The following LTBP2 variants were observed in gnomAD, a reference collection of about 807,000 sequenced individuals.
The protein encoded by LTBP2 is latent transforming growth factor beta binding protein 2.
In LTBP2, 103 loss-of-function variants were observed where a neutral mutation model predicts 210.6. The observed-to-expected ratio is 0.49, with a 90% confidence interval of 0.42 to 0.58. LTBP2 has a LOEUF of 0.58. Ranked by LOEUF, LTBP2 falls within the 20% of genes least tolerant of loss-of-function variation. LTBP2 has a pLI of 0.00. For missense variants in LTBP2, 2,313 were observed against 2,494.5 expected (o/e 0.93, Z 1.55); for synonymous variants, 1,007 against 1,015.0 (o/e 0.99, Z 0.15).
chr14:74,526,700 C>T (rs771161531), intron 13 of LTBP2, among the ~76,000 whole-genome samples: 6 of 152,130 alleles, frequency 3.9e-5, no homozygotes, highest in East Asian at 3.8e-4. Flanking sequence ...ACAAGGCACC[C>T]GGAAGAAACT....
chr14:74,566,317 C>A (rs118124703), intron 3 of LTBP2, among the ~76,000 whole-genome samples: 39 of 152,324 alleles, frequency 2.6e-4, no homozygotes, highest in Non-Finnish European at 4.6e-4. Context: ...CTGAAGGCAT[C>A]TGGAAGGGAG....
At chr14:74,585,260 G>A (rs756667672) in intron 3 of LTBP2, among the ~76,000 whole-genome samples, 9 of 152,136 alleles carry the variant, frequency 5.9e-5, no homozygotes, top group South Asian at 4.1e-4. Context: ...GCTGGGTGCC[G>A]AGGAAACCGA....
At chr14:74,522,416 T>G (rs699370) in intron 16 of LTBP2, among the ~76,000 whole-genome samples, 3,967 of 152,090 alleles carry the variant, frequency 0.026, 68 homozygotes, top group Admixed American at 0.042. Context: ...GACCTCCCCC[T>G]ACGGATGACC....
intron 8 of LTBP2, among the ~76,000 whole-genome samples, chr14:74,540,809 A>AC (rs1491126915): frequency 9.4e-5 from 6 of 63,816 alleles, no homozygotes; most frequent in South Asian, 4.0e-4. Context: ...ATATATATAT[A>AC]ATATATATAT....
intron 8 of LTBP2, among the ~76,000 whole-genome samples, chr14:74,537,365 T>TAAACA (rs2087435022): frequency 1.3e-5 from 2 of 152,226 alleles, no homozygotes; most frequent in African/African-American, 4.8e-5. Context: ...AGTCTGACAA[T>TAAACA]TCTTTTGCCT....
intron 24 of LTBP2, 132 bp downstream of exon 24, chr14:74,508,472 C>T (rs745343639): frequency 6.7e-7 from 1 of 1,493,354 alleles, no homozygotes; most frequent in Non-Finnish European, 9.0e-7. Flanking sequence ...TGAGCACTTG[C>T]TCTCAGTACT....
At chr14:74,515,178 G>A (rs552171335) in intron 18 of LTBP2, among the ~76,000 whole-genome samples, 10 of 151,878 alleles carry the variant, frequency 6.6e-5, no homozygotes, top group Non-Finnish European at 1.5e-4. Context: ...TCCAGACATC[G>A]CGTCAAAAGC....
intron 22 of LTBP2, 134 bp downstream of exon 22, chr14:74,509,104 C>A: frequency 6.4e-7 from 1 of 1,573,306 alleles, no homozygotes; most frequent in Non-Finnish European, 8.7e-7. Flanking sequence ...CTGGGACAAG[C>A]TTGTGAGCGA....
rs202203448 is a variant in LTBP2, at chr14:74,532,586, C to T, written c.1865-38G>A. ...AGGAGATGACCAAGTGCCCGCCCCA[C>T]GGAGGCCTGATGGAGCAGAGGGGCT... On this transcript the variant is annotated intron_variant, in intron 9 of 35. Transcript: ENST00000261978. The T allele has an allele frequency of 6.6e-4, 1,060 of 1,611,518 alleles. 1 individual carries two copies. The highest frequency in any genetic ancestry group is 8.4e-4 in the Non-Finnish European group (989 of 1,178,854).
At chr14:74,572,211 C>T (rs1331961250) in intron 3 of LTBP2, among the ~76,000 whole-genome samples, 1 of 152,008 alleles carries the variant, frequency 6.6e-6, no homozygotes, top group Admixed American at 6.6e-5. Flanking sequence ...ATCCATTTTC[C>T]CCTTCTAATC....
chr14:74,570,406 G>A (rs542767814), intron 3 of LTBP2, among the ~76,000 whole-genome samples: 20 of 152,136 alleles, frequency 1.3e-4, no homozygotes, highest in Non-Finnish European at 2.4e-4. Context: ...GCACACTGTA[G>A]ACTAAGGCAG....
chr14:74,603,810 A>C, intron 1 of LTBP2, 105 bp from the exon 2 acceptor site: 1 of 931,050 alleles, frequency 1.1e-6, no homozygotes, highest in Non-Finnish European at 1.8e-6. Flanking sequence ...CTGGAGGAAC[A>C]TGGAGAGGCT....
At chr14:74,593,700 G>C (rs79661041) in intron 2 of LTBP2, among the ~76,000 whole-genome samples, 2,286 of 152,254 alleles carry the variant, frequency 0.015, 62 homozygotes, top group African/African-American at 0.049. Flanking sequence ...ATGTGGCTCA[G>C]GGCTACCACA....
chr14:74,568,460 G>A (rs1399029057), intron 3 of LTBP2, among the ~76,000 whole-genome samples: 2 of 152,018 alleles, frequency 1.3e-5, no homozygotes, highest in African/African-American at 4.8e-5. Flanking sequence ...AGTGCAGAGA[G>A]AGCCACAAGC....
In LTBP2 at chr14:74,503,526, G is replaced by T. The variant is rs747149432; in HGVS notation, c.4663C>A (p.Pro1555Thr). The T allele has an allele frequency of 1.2e-6, 2 of 1,613,642 alleles. No individual in the cohort carries two copies. Among genetic ancestry groups the T allele is most frequent in the Admixed American group, 3.3e-5 (2 of 59,986 alleles). The change falls in exon 32 of 36, where the codon CCC becomes ACC. Residue 1555 changes from proline to threonine, a missense_variant. By Grantham distance (38) the Pro-to-Thr change is conservative (BLOSUM62 -1). Coordinates refer to ENST00000261978, the MANE Select transcript of LTBP2 (RefSeq NM_000428.3). ...TEGSFHCFCS[P>T]PLTLDLSQQR... ...TGGCTGAGGTCCAGGGTGAGCGGGGGGCTGCAGAAGCAGTGGAAGGAGCCC... is the reference window on the plus strand; with the variant it reads ...TGGCTGAGGTCCAGGGTGAGCGGGGTGCTGCAGAAGCAGTGGAAGGAGCCC...
chr14:74,503,136 A>G, intron 33 of LTBP2, 83 bp downstream of exon 33: 1 of 1,578,486 alleles, frequency 6.3e-7, no homozygotes, highest in Non-Finnish European at 8.6e-7. Flanking sequence ...CCTTCTTTCT[A>G]GATCCCCAGT....
In LTBP2 at chr14:74,507,186, G is replaced by C; in HGVS notation, c.3900C>G (p.Asp1300Glu). ...QPGFHMAPNG[D>E]CIDIDECAND... ...TCCTCCCTCCCTACTCACCAATGCA[G>C]TCTCCGTTCGGGGCCATGTGGAAGC... Residue 1300 changes from aspartate to glutamate, a missense_variant, in exon 26 of 36, where the codon GAC becomes GAG. By Grantham distance (45) the Asp-to-Glu change is conservative (BLOSUM62 2). Coordinates refer to ENST00000261978, the MANE Select transcript of LTBP2 (RefSeq NM_000428.3). The C allele has an allele frequency of 6.2e-7, 1 of 1,614,116 alleles. No homozygotes were observed. Among genetic ancestry groups the C allele is most frequent in the Non-Finnish European group, 8.5e-7 (1 of 1,180,008 alleles).
chr14:74,531,422 T>C (rs551967242), intron 10 of LTBP2, among the ~76,000 whole-genome samples: 1 of 152,206 alleles, frequency 6.6e-6, no homozygotes, highest in South Asian at 2.1e-4. Context: ...GAAGGAAGGG[T>C]GTAAGCCTCT....
chr14:74,551,093 G>T lies in LTBP2; in HGVS notation c.1657C>A (p.Arg553=), dbSNP rs746326223. Residue 553 remains arginine, a synonymous_variant, in exon 7 of 36, where the codon CGG becomes AGG. Coordinates refer to ENST00000261978, the MANE Select transcript of LTBP2 (RefSeq NM_000428.3). ...AAPRPRGLLG[R]CYLNTVNGQC... ...CCGTTCACAGTGTTCAGGTAACACC[G>T]GCCCAGCAGTCCTCGAGGCCTGGGT... 82 of 1,613,642 alleles carry T rather than the reference G, an allele frequency of 5.1e-5. No homozygotes were observed. Among genetic ancestry groups the T allele is most frequent in the Admixed American group, 2.7e-4 (16 of 60,006 alleles).
Sources: allele counts gnomAD v4.1 joint callset (sites outside exome capture counted in the v4.1 genomes callset), GRCh38; gene constraint gnomAD v4.1.1; transcripts MANE v1.5; gene names NCBI Gene and HGNC (gene_info 2026-07-23, HGNC 2026-07-21).